Variants in EYA4 observed in about 807,000 individuals in gnomAD.
EYA4 encodes the protein protein phosphatase EYA4.
In EYA4, 31 loss-of-function variants were observed where a neutral mutation model predicts 87.9. The observed-to-expected ratio is 0.35, with a 90% CI of 0.27 to 0.48. EYA4 has a LOEUF of 0.48. Among genes scored for constraint, EYA4 ranks in the 20% least tolerant of loss-of-function variants. EYA4 has a pLI of 0.99. For missense variants in EYA4, 678 were observed against 761.4 expected (o/e 0.89, Z 1.29); for synonymous variants, 263 against 270.6 (o/e 0.97, Z 0.28).
chr6:133,381,636 A>G (rs1487030430), intron 2 of EYA4, among the ~76,000 whole-genome samples: 2 of 152,126 alleles, frequency 1.3e-5, no homozygotes, highest in Admixed American at 1.3e-4. Context: ...ATATTAACCA[A>G]GAGATTTTTG....
chr6:133,393,029 A>T (rs549528930), intron 3 of EYA4, among the ~76,000 whole-genome samples: 2 of 152,346 alleles, frequency 1.3e-5, no homozygotes, highest in East Asian at 3.9e-4. Flanking sequence ...TCTGCTTTGC[A>T]TCACAGGGGT....
At chr6:133,391,216 G>GTTTTTTTTTTTTTTTTTT (rs1171912624) in intron 3 of EYA4, among the ~76,000 whole-genome samples, 2 of 68,954 alleles carry the variant, frequency 2.9e-5, no homozygotes, top group African/African-American at 8.3e-5. Context: ...TTTGGGTTTT[G>GTTTTTTTTTTTTTTTTTT]TTTTTGTTTT....
chr6:133,356,575 C>A (rs947686923), intron 2 of EYA4, among the ~76,000 whole-genome samples: 1 of 151,828 alleles, frequency 6.6e-6, no homozygotes, highest in Non-Finnish European at 1.5e-5. Context: ...CTGAAGTGAT[C>A]GTAGTGTCTA....
intron 13 of EYA4, among the ~76,000 whole-genome samples, chr6:133,498,303 A>G (rs1028148138): frequency 6.6e-6 from 1 of 152,146 alleles, no homozygotes; most frequent in African/African-American, 2.4e-5. Flanking sequence ...CCCTCCTAGT[A>G]CCCATGTGAC....
intron 3 of EYA4, among the ~76,000 whole-genome samples, chr6:133,445,328 A>C (rs1375766163): frequency 6.6e-6 from 1 of 152,198 alleles, no homozygotes; most frequent in Non-Finnish European, 1.5e-5. Context: ...GAAAAATAAA[A>C]GATAATCTTT....
intron 2 of EYA4, among the ~76,000 whole-genome samples, chr6:133,284,872 A>G (rs554058009): frequency 6.6e-6 from 1 of 152,176 alleles, no homozygotes; most frequent in Non-Finnish European, 1.5e-5. Context: ...AACAGTAAAC[A>G]AATATAGTAT....
At chr6:133,283,506 T>C (rs1043326061) in intron 2 of EYA4, among the ~76,000 whole-genome samples, 15 of 152,174 alleles carry the variant, frequency 9.9e-5, no homozygotes, top group African/African-American at 3.4e-4. Flanking sequence ...TTTATGCTAC[T>C]CATCTCACTA....
rs1480780161 is a variant in EYA4 at position 133,372,436 on chromosome 6, A to G, written c.34-9956A>G. On this transcript the variant is annotated intron_variant, in intron 2 of 19. Transcript: ENST00000355286. The stretch of plus-strand genomic sequence containing the variant: ...AAAACCTGAGAAAAGGTGATTTGTA[A>G]TCTTTTTTTATAACAATGGTTATAG... Among the ~76,000 whole-genome samples, 5 of 149,558 alleles carry G rather than the reference A, an allele frequency of 3.3e-5. 1 individual carries two copies. Among genetic ancestry groups the G allele is most frequent in the South Asian group, 4.3e-4 (2 of 4,670 alleles).
At chr6:133,445,260 G>T (rs1007283068) in intron 3 of EYA4, among the ~76,000 whole-genome samples, 4 of 152,032 alleles carry the variant, frequency 2.6e-5, no homozygotes, top group Non-Finnish European at 4.4e-5. Context: ...TATTATATAA[G>T]TCCCTGTATA....
At chr6:133,292,404 G>A (rs1389309385) in intron 2 of EYA4, among the ~76,000 whole-genome samples, 1 of 152,016 alleles carries the variant, frequency 6.6e-6, no homozygotes, top group East Asian at 1.9e-4. Flanking sequence ...CATAATTGTT[G>A]GAATTATATG....
At chr6:133,352,481 A>G (rs978205825) in intron 2 of EYA4, among the ~76,000 whole-genome samples, 2 of 152,196 alleles carry the variant, frequency 1.3e-5, no homozygotes, top group African/African-American at 2.4e-5. Context: ...TCTACATTTC[A>G]TAAATGGTTA....
intron 2 of EYA4, among the ~76,000 whole-genome samples, chr6:133,351,428 T>C (rs1010197325): frequency 2.6e-5 from 4 of 152,188 alleles, no homozygotes; most frequent in Admixed American, 2.6e-4. Context: ...TGAGTCCCCA[T>C]GCAGATTTCT....
intron 3 of EYA4, among the ~76,000 whole-genome samples, chr6:133,401,918 C>T (rs1267034377): frequency 1.3e-5 from 2 of 152,094 alleles, no homozygotes; most frequent in African/African-American, 4.8e-5. Flanking sequence ...TTTTAGTAGT[C>T]ACAGGGAAAA....
intron 2 of EYA4, among the ~76,000 whole-genome samples, chr6:133,340,145 T>C (rs1038565655): frequency 6.6e-6 from 1 of 152,160 alleles, no homozygotes; most frequent in Non-Finnish European, 1.5e-5. Context: ...TTGTCTCTAA[T>C]GTTAAGACTA....
intron 2 of EYA4, among the ~76,000 whole-genome samples, chr6:133,308,308 T>A (rs1053626889): frequency 5.3e-5 from 8 of 152,192 alleles, no homozygotes; most frequent in Non-Finnish European, 8.8e-5. Flanking sequence ...AGAGGTTAAA[T>A]AACTCACCCA....
intron 7 of EYA4, chr6:133,462,071 T>G: frequency 2.1e-6 from 1 of 472,704 alleles, no homozygotes. Context: ...GAGACACAGG[T>G]GTAAAATCTA....
chr6:133,430,826 C>G (rs1583257674), intron 3 of EYA4, among the ~76,000 whole-genome samples: 1 of 152,144 alleles, frequency 6.6e-6, no homozygotes, highest in African/African-American at 2.4e-5. Context: ...AGTATACATT[C>G]TAGAGGGAGA....
chr6:133,385,023 GA>G (rs1447486184), intron 3 of EYA4, among the ~76,000 whole-genome samples: 1 of 151,986 alleles, frequency 6.6e-6, no homozygotes, highest in Non-Finnish European at 1.5e-5. Context: ...CACAGGGGCT[GA>G]CGCAGTGGCT....
At position 133,271,512 on chromosome 6, in the gene EYA4, T is replaced by C. The variant is rs192508080; in HGVS notation, c.-65-3204T>C. Among the ~76,000 whole-genome samples, 132 of 152,304 alleles carry C rather than the reference T, an allele frequency of 8.7e-4. 1 individual carries two copies. Among genetic ancestry groups the C allele is most frequent in the South Asian group, 5.8e-3 (28 of 4,826 alleles). On this transcript the variant is annotated intron_variant, in intron 1 of 19. Transcript: ENST00000355286. ...GGCAGACCCATATCCACAGTAAGTG[T>C]CTATTCCAGTGAGGACAAACCTCTT... is the stretch of plus-strand genomic sequence containing the variant.
Sources: allele counts gnomAD v4.1 joint callset (sites outside exome capture counted in the v4.1 genomes callset), GRCh38; gene constraint gnomAD v4.1.1; transcripts MANE v1.5; gene names NCBI Gene and HGNC (gene_info 2026-07-23, HGNC 2026-07-21).